The following ABCC8 variants were observed in gnomAD, a reference collection of about 807,000 sequenced individuals.
ABCC8 encodes the protein ATP binding cassette subfamily C member 8, also known as ATP-binding cassette sub-family C member 8.
In ABCC8, 137 loss-of-function variants were observed where a neutral mutation model predicts 188.0. The observed-to-expected ratio is 0.73, with a 90% confidence interval of 0.63 to 0.84. The LOEUF (loss-of-function observed/expected upper bound fraction) is 0.84, where lower values mean the gene tolerates loss of function less well. Among genes scored for constraint, ABCC8 ranks in the 40% least tolerant of loss-of-function variants. The pLI is 0.00. For synonymous variants in ABCC8, 797 were observed against 846.5 expected, an observed-to-expected ratio of 0.94 and a Z score of 1.01; for missense variants, 1,750 against 2,072.7, an observed-to-expected ratio of 0.84 and a Z score of 3.02.
intron 33 of ABCC8, chr11:17,396,588 C>T: frequency 5.3e-6 from 2 of 379,548 alleles, no homozygotes; most frequent in Non-Finnish European, 9.9e-6. Flanking sequence ...TGCCCTGAAG[C>T]TCGGGGCAGT....
intron 7 of ABCC8, among the ~76,000 whole-genome samples, chr11:17,451,181 A>AGTATATT (rs1393508199): frequency 3.3e-5 from 5 of 152,224 alleles, no homozygotes; most frequent in Non-Finnish European, 7.3e-5. Flanking sequence ...ATATTTAATT[A>AGTATATT]CAAAACTGCC....
At chr11:17,426,759 C>A (rs1955599213) in intron 16 of ABCC8, among the ~76,000 whole-genome samples, 1 of 152,152 alleles carries the variant, frequency 6.6e-6, no homozygotes. Flanking sequence ...TGAATTAGGA[C>A]AAATAGTTTA....
chr11:17,450,487 T>C (rs1469631933), intron 7 of ABCC8, among the ~76,000 whole-genome samples: 7 of 146,586 alleles, frequency 4.8e-5, no homozygotes, highest in Non-Finnish European at 1.0e-4. Context: ...CTCCTCCTCC[T>C]GGGTTCACGC....
In ABCC8 at chr11:17,392,891, AT is replaced by A; in HGVS notation, c.*99del. 6.9e-7 allele frequency: 1 copy of A among 1,440,166 alleles called. No homozygotes were observed. The highest frequency in any genetic ancestry group is 9.7e-7 in the Non-Finnish European group (1 of 1,032,532). 89.2% of individuals were successfully genotyped at this position (1,440,166 alleles called of 1,614,324 possible). ...CCAGACTTAGGGCCTCTAGTAGGAA[AT>A]AATCAAATCTATTTATTTACAAGTG... On this transcript the variant is annotated 3_prime_UTR_variant, in exon 39 of 39. Coordinates refer to ENST00000389817, the MANE Select transcript of ABCC8 (RefSeq NM_000352.6).
At chr11:17,401,363 G>A (rs777427112) in intron 29 of ABCC8, among the ~76,000 whole-genome samples, 4 of 152,192 alleles carry the variant, frequency 2.6e-5, no homozygotes, top group Admixed American at 2.6e-4. Flanking sequence ...GATGTCCAGG[G>A]AGCAGCGCCA....
At chr11:17,444,632 C>T (rs1044726969) in intron 8 of ABCC8, among the ~76,000 whole-genome samples, 1 of 152,224 alleles carries the variant, frequency 6.6e-6, no homozygotes, top group Admixed American at 6.5e-5. Flanking sequence ...GAATGGCCCT[C>T]ATGCAGAAGA....
rs1452808123 is a variant in ABCC8 at position 17,475,012 on chromosome 11, C to T, written c.164G>A (p.Ser55Asn). 2 of 1,614,074 alleles carry T rather than the reference C, an allele frequency of 1.2e-6. No homozygotes were observed. Among genetic ancestry groups the T allele is most frequent in the Admixed American group, 1.7e-5 (1 of 60,012 alleles). ...PILFIGWGSQSSKVHIHHSTW... is the reference protein window; with the variant it reads ...PILFIGWGSQNSKVHIHHSTW... ...GCTGTGGTGGATGTGCACCTTGGAGCTCTGACTTCCCCATCCTGCAGGGAG... is the reference window on the plus strand; with the variant it reads ...GCTGTGGTGGATGTGCACCTTGGAGTTCTGACTTCCCCATCCTGCAGGGAG... Residue 55 changes from serine to asparagine, a missense_variant, in exon 2 of 39, where the codon AGC becomes AAC. Ser to Asn is a conservative substitution (Grantham distance 46, BLOSUM62 1). Transcript: ENST00000389817.
chr11:17,393,352 C>G (rs559717781), intron 38 of ABCC8: 1 of 686,434 alleles, frequency 1.5e-6, no homozygotes, highest in Admixed American at 2.7e-5. Context: ...CTCTACCCCA[C>G]CTCCAGGCTT....
At chr11:17,395,529 A>G (rs1953870499) in intron 35 of ABCC8, 81 bp downstream of exon 35, 4 of 1,520,788 alleles carry the variant, frequency 2.6e-6, no homozygotes, top group African/African-American at 2.8e-5. Context: ...GTCTCCCCCA[A>G]CCCCCTCCTC....
At chr11:17,414,727 G>A (rs1954983530) in intron 18 of ABCC8, 117 bp from the exon 19 acceptor site, 1 of 1,542,038 alleles carries the variant, frequency 6.5e-7, no homozygotes. Context: ...AGGTGCAGTT[G>A]GTAGAAATCT....
intron 22 of ABCC8, 112 bp downstream of exon 22, chr11:17,410,404 G>A: frequency 8.1e-7 from 1 of 1,228,974 alleles, no homozygotes; most frequent in South Asian, 1.3e-5. Flanking sequence ...GGTCTCTTAT[G>A]CTTTGTGGCC....
chr11:17,404,276 C>T lies in ABCC8; in HGVS notation c.3557+236G>A, dbSNP rs1290086521. ...CATGACCTAGCAATTCCAGTCCTGA[C>T]CATATCGCCCAAGGAAATAATTCAG... On this transcript the variant is annotated intron_variant, in intron 28 of 38. Transcript: ENST00000389817. This position sits in a 1 kb window ranked among gnomAD's most constrained non-coding sequence, Gnocchi z 4.7. Among the ~76,000 whole-genome samples the T allele has an allele frequency of 6.6e-6, 1 of 152,194 alleles. No individual in the cohort carries two copies. Among genetic ancestry groups the T allele is most frequent in the Non-Finnish European group, 1.5e-5 (1 of 68,044 alleles).
At chr11:17,452,997 G>T in intron 7 of ABCC8, 122 bp downstream of exon 7, 1 of 990,914 alleles carries the variant, frequency 1.0e-6, no homozygotes, top group Non-Finnish European at 1.6e-6. Flanking sequence ...TCGTTAATGG[G>T]CAACAAAAAA....
At chr11:17,398,204 G>A in intron 30 of ABCC8, 135 bp downstream of exon 30, 1 of 1,192,158 alleles carries the variant, frequency 8.4e-7, no homozygotes, top group Non-Finnish European at 1.2e-6. Context: ...GACCACCAGG[G>A]CTGGGGGAAG....
At chr11:17,473,153 T>C (rs75350873) in intron 2 of ABCC8, among the ~76,000 whole-genome samples, 2,762 of 152,264 alleles carry the variant, frequency 0.018, 97 homozygotes, top group African/African-American at 0.064. Context: ...CAGTGCTCAC[T>C]GAAGACCCAG....
chr11:17,395,467 G>A, intron 35 of ABCC8, 143 bp downstream of exon 35: 1 of 1,461,074 alleles, frequency 6.8e-7, no homozygotes. Flanking sequence ...GAGGCTGCCT[G>A]GGCCTGATGG....
intron 17 of ABCC8, 51 bp downstream of exon 17, chr11:17,416,879 T>G: frequency 1.2e-5 from 9 of 771,624 alleles, no homozygotes; most frequent in Non-Finnish European, 1.7e-5. Context: ...ACCCCCACCC[T>G]ACCCCTTCCC....
Position 17,442,864 on chromosome 11 carries a change from G to A in ABCC8, c.1486C>T (p.Leu496=), listed in dbSNP as rs150956385. Residue 496 remains leucine (L), a synonymous_variant, in exon 10 of 39, where the codon CTG becomes TTG. Coordinates refer to ENST00000389817, the MANE Select transcript of ABCC8 (RefSeq NM_000352.6). ...CGGAGCATCTCGTTGGTCTGCTTCA[G>A]CCGCTCATTGGAATACTCCTGCAGG... is the stretch of plus-strand genomic sequence containing the variant. ...RSTLEYSNER[L]KQTNEMLRGI... is the part of the protein sequence containing the mutation. 8.6e-5 allele frequency: 139 copies of A among 1,613,342 alleles called. No individual in the cohort carries two copies. Among genetic ancestry groups the A allele is most frequent in the Middle Eastern group, 1.6e-4 (1 of 6,066 alleles).
chr11:17,466,924 C>T (rs1303917762), intron 3 of ABCC8, among the ~76,000 whole-genome samples: 2 of 152,094 alleles, frequency 1.3e-5, no homozygotes, highest in African/African-American at 2.4e-5. Flanking sequence ...CCTTGGCCTG[C>T]CAAGGTGCTG....
Sources: allele counts gnomAD v4.1 joint callset (sites outside exome capture counted in the v4.1 genomes callset), GRCh38; gene constraint gnomAD v4.1.1; non-coding constraint Gnocchi (gnomAD v3.1); transcripts MANE v1.5; gene names NCBI Gene and HGNC (gene_info 2026-07-23, HGNC 2026-07-21).